The following SPTLC1 variants were observed in gnomAD, a reference collection of about 807,000 sequenced individuals.
The protein encoded by SPTLC1 is serine palmitoyltransferase 1.
SPTLC1 carries 55 observed loss-of-function variants against 68.9 expected under a neutral mutation model. That is an observed-to-expected ratio of 0.80 (90% CI 0.64 to 1.00). SPTLC1 has a LOEUF of 1.00. Among genes scored for constraint, SPTLC1 ranks in the 50% least tolerant of loss-of-function variants. The pLI is 0.00. For missense variants in SPTLC1, 449 were observed against 573.1 expected (o/e 0.78, Z 2.21); for synonymous variants, 197 against 201.6 (o/e 0.98, Z 0.19).
chr9:92,097,536 TC>T (rs1835575096), intron 3 of SPTLC1, among the ~76,000 whole-genome samples: 1 of 152,070 alleles, frequency 6.6e-6, no homozygotes, highest in Non-Finnish European at 1.5e-5. Context: ...TGTGGATGAG[TC>T]CTGAAAACAT....
chr9:92,106,079 C>A (rs1362179560), intron 3 of SPTLC1, among the ~76,000 whole-genome samples: 9 of 151,302 alleles, frequency 5.9e-5, no homozygotes, highest in Non-Finnish European at 8.8e-5. Context: ...CTCTGCCCAG[C>A]CCCTGCACCG....
chr9:92,079,977 G>T, intron 5 of SPTLC1, 39 bp downstream of exon 5: 1 of 1,541,082 alleles, frequency 6.5e-7, no homozygotes, highest in South Asian at 1.1e-5. Flanking sequence ...CTTAACTATT[G>T]AAAGCAGTAG....
At chr9:92,068,497 C>A (rs953739978) in intron 5 of SPTLC1, among the ~76,000 whole-genome samples, 3 of 152,076 alleles carry the variant, frequency 2.0e-5, no homozygotes, top group African/African-American at 7.2e-5. Context: ...CAAAAAGAAC[C>A]CTGTATACTT....
intron 3 of SPTLC1, among the ~76,000 whole-genome samples, chr9:92,103,790 G>A (rs1157704292): frequency 2.0e-5 from 3 of 152,216 alleles, no homozygotes; most frequent in Admixed American, 2.0e-4. Flanking sequence ...CTGCTTCCAG[G>A]TTCTGGCCCT....
chr9:92,105,223 A>G, intron 3 of SPTLC1: 2 of 1,534,146 alleles, frequency 1.3e-6, no homozygotes, highest in Non-Finnish European at 1.7e-6. Context: ...CTCCCCTGCA[A>G]CTGAGGTGGG....
chr9:92,115,123 G>A, intron 1 of SPTLC1, 191 bp downstream of exon 1: 3 of 199,168 alleles, frequency 1.5e-5, no homozygotes, highest in Admixed American at 6.9e-5. Flanking sequence ...CCCAGCCCCC[G>A]CCCCCGCCCG....
chr9:92,043,177 G>T (rs1450910294), intron 12 of SPTLC1, among the ~76,000 whole-genome samples: 2 of 152,152 alleles, frequency 1.3e-5, no homozygotes, highest in African/African-American at 4.8e-5. Flanking sequence ...TCAGTGTTCT[G>T]TTATCTGGTC....
At chr9:92,081,058 ATCC>A (rs1447971689) in intron 3 of SPTLC1, 95 bp from the exon 4 acceptor site, 332 of 885,320 alleles carry the variant, frequency 3.8e-4, no homozygotes, top group Non-Finnish European at 1.2e-4. Flanking sequence ...TAGTGTTGTC[ATCC>A]TACCCTATTT....
intron 7 of SPTLC1, among the ~76,000 whole-genome samples, chr9:92,057,978 A>C (rs866227061): frequency 6.6e-6 from 1 of 152,234 alleles, no homozygotes; most frequent in Non-Finnish European, 1.5e-5. Flanking sequence ...TGTTTTCCAA[A>C]TTTATACAAT....
chr9:92,060,720 C>T (rs1317378201), intron 6 of SPTLC1, among the ~76,000 whole-genome samples: 1 of 143,412 alleles, frequency 7.0e-6, no homozygotes, highest in Non-Finnish European at 1.5e-5. Context: ...TCCTGGCTAA[C>T]ATGGTGAAAC....
intron 3 of SPTLC1, among the ~76,000 whole-genome samples, chr9:92,095,562 A>G (rs1028019647): frequency 1.3e-5 from 2 of 152,130 alleles, no homozygotes; most frequent in African/African-American, 2.4e-5. Context: ...CAGCAACTCT[A>G]CCTCTCTTTA....
chr9:92,036,293 A>G (rs1418751942), intron 13 of SPTLC1, among the ~76,000 whole-genome samples: 3 of 152,200 alleles, frequency 2.0e-5, no homozygotes, highest in Admixed American at 6.5e-5. Context: ...CTGTCCACAG[A>G]CTTTTCGTTT....
chr9:92,097,433 G>C (rs1835570746), intron 3 of SPTLC1, among the ~76,000 whole-genome samples: 1 of 152,004 alleles, frequency 6.6e-6, no homozygotes, highest in Admixed American at 6.6e-5. Context: ...AAACCCAATT[G>C]TGCATCAACT....
At chr9:92,091,746 G>C (rs1587592940) in intron 3 of SPTLC1, among the ~76,000 whole-genome samples, 1 of 152,116 alleles carries the variant, frequency 6.6e-6, no homozygotes, top group Non-Finnish European at 1.5e-5. Flanking sequence ...AATGTAAACA[G>C]ATTAAACTCC....
At chr9:92,067,598 C>T (rs1405449899) in intron 6 of SPTLC1, among the ~76,000 whole-genome samples, 1 of 152,174 alleles carries the variant, frequency 6.6e-6, no homozygotes, top group Non-Finnish European at 1.5e-5. Flanking sequence ...TCAGCTGAGA[C>T]CAGGTGACGG....
At position 92,108,489 on chromosome 9, in the gene SPTLC1, T is replaced by C. The variant is rs915619732; in HGVS notation, c.260+251A>G. ...GCTTTTCATTTTAAGTGTTCGACCA[T>C]TGGAAATATTAACATGTGTGCATTC... On this transcript the variant is annotated intron_variant, in intron 3 of 14. Transcript: ENST00000262554. The C allele has an allele frequency of 2.1e-4, 92 of 439,728 alleles. No individual in the cohort carries two copies. The Middle Eastern group carries it at 2.1e-3, about 10-fold the overall frequency. 27.2% of individuals were successfully genotyped at this position (439,728 alleles called of 1,614,324 possible). A position where few individuals can be genotyped will look rare whatever the true frequency, so the allele number is the denominator to read the frequency against.
chr9:92,037,827 G>A (rs1833196020), intron 13 of SPTLC1, among the ~76,000 whole-genome samples: 1 of 152,198 alleles, frequency 6.6e-6, no homozygotes, highest in Non-Finnish European at 1.5e-5. Context: ...TCCCTGAGCT[G>A]TGCTGCGGGG....
rs946852609 is a variant in SPTLC1 at position 92,042,521 on chromosome 9, C to T, written c.1136+3478G>A. 5.3e-5 allele frequency among the ~76,000 whole-genome samples: 8 copies of T among 152,108 alleles called. No homozygotes were observed. The East Asian group carries it at 1.3e-3, about 26-fold the overall frequency. On this transcript the variant is annotated intron_variant, in intron 12 of 14. Transcript: ENST00000262554. ...AAGACAACCCCATTCATAACAGCAA[C>T]AAAATCTATAGGATGTCTGAAAATT...
chr9:92,089,662 G>T (rs1009501801), intron 3 of SPTLC1, among the ~76,000 whole-genome samples: 2 of 152,096 alleles, frequency 1.3e-5, no homozygotes, highest in Non-Finnish European at 2.9e-5. Flanking sequence ...GGAAAAACTG[G>T]AGGAAAAAAG....
Sources: allele counts gnomAD v4.1 joint callset (sites outside exome capture counted in the v4.1 genomes callset), GRCh38; gene constraint gnomAD v4.1.1; transcripts MANE v1.5; gene names NCBI Gene and HGNC (gene_info 2026-07-23, HGNC 2026-07-21).